SCFD1: variants seen among roughly 807,000 people sequenced by gnomAD.
SCFD1 encodes the protein sec1 family domain-containing protein 1.
SCFD1 carries 37 observed loss-of-function variants against 103.2 expected under a neutral mutation model. That is an observed-to-expected ratio of 0.36 (90% CI 0.28 to 0.47). SCFD1 has a LOEUF of 0.47. SCFD1 is among the 20% of genes least tolerant of loss of function. The probability of loss-of-function intolerance (pLI) is 1.00; values close to 1 mark genes in which losing one functional copy is unlikely to be tolerated. For synonymous variants in SCFD1, 264 were observed against 245.0 expected, an observed-to-expected ratio of 1.08 and a Z score of -0.73; for missense variants, 639 against 761.2, an observed-to-expected ratio of 0.84 and a Z score of 1.89.
At chr14:30,719,273 C>T in intron 20 of SCFD1, 52 bp from the exon 21 acceptor site, 1 of 1,153,746 alleles carries the variant, frequency 8.7e-7, no homozygotes. Flanking sequence ...GCCAAACTGA[C>T]CTTCTGAAGA....
chr14:30,673,239 T>C lies in SCFD1; in HGVS notation c.996-18T>C. 1 of 1,385,840 alleles carries C rather than the reference T, an allele frequency of 7.2e-7. No homozygotes were observed. Among genetic ancestry groups the C allele is most frequent in the South Asian group, 1.4e-5 (1 of 71,728 alleles). The allele number at this position is 1,385,840 out of a possible 1,614,324, so 85.8% of individuals were successfully genotyped here. ...CTTTTAATGTCATCCTCATAGTTCT[T>C]GTGCAATACTGTTTTAGTCCATTCC... On this transcript the variant is annotated intron_variant, in intron 11 of 24. Coordinates refer to ENST00000458591, the MANE Select transcript of SCFD1 (RefSeq NM_016106.4).
intron 14 of SCFD1, among the ~76,000 whole-genome samples, chr14:30,680,339 G>A (rs1172668435): frequency 6.6e-6 from 1 of 152,156 alleles, no homozygotes; most frequent in Non-Finnish European, 1.5e-5. Context: ...AACATAGGAT[G>A]TGGGGTTTTT....
chr14:30,670,094 A>G (rs1738518919), intron 10 of SCFD1, 162 bp from the exon 11 acceptor site: 1 of 595,018 alleles, frequency 1.7e-6, no homozygotes, highest in African/African-American at 1.9e-5. Context: ...TTTCATTAAA[A>G]TACAGAAACA....
chr14:30,722,585 C>A (rs749873178), intron 23 of SCFD1, 26 bp downstream of exon 23: 8 of 1,465,870 alleles, frequency 5.5e-6, no homozygotes, highest in Non-Finnish European at 6.6e-6. Flanking sequence ...CCTTTTTATT[C>A]TGTTGTTAGA....
chr14:30,721,671 C>G (rs1892660120), intron 21 of SCFD1: 1 of 532,714 alleles, frequency 1.9e-6, no homozygotes, highest in South Asian at 2.6e-5. Flanking sequence ...TCCTTTTAGA[C>G]TCTGAGATAT....
intron 7 of SCFD1, chr14:30,644,095 G>T: frequency 2.4e-6 from 1 of 408,556 alleles, no homozygotes; most frequent in Non-Finnish European, 4.9e-6. Context: ...TGAGAACATA[G>T]GGTGTTTTGT....
At chr14:30,730,261 A>C (rs962784221) in intron 23 of SCFD1, among the ~76,000 whole-genome samples, 1 of 152,106 alleles carries the variant, frequency 6.6e-6, no homozygotes, top group Non-Finnish European at 1.5e-5. Flanking sequence ...TCTATCATTG[A>C]TGGACATTTG....
chr14:30,650,786 G>C (rs537018645), intron 9 of SCFD1, 136 bp downstream of exon 9: 8 of 539,366 alleles, frequency 1.5e-5, no homozygotes, highest in African/African-American at 1.4e-4. Context: ...TCAAGGTTTT[G>C]ACTCATATTG....
chr14:30,684,083 G>A (rs2139269258), intron 14 of SCFD1, among the ~76,000 whole-genome samples: 1 of 152,318 alleles, frequency 6.6e-6, no homozygotes, highest in South Asian at 2.1e-4. Context: ...CTTATAGGAA[G>A]GAAAAGGGAA....
At chr14:30,691,458 C>G (rs959543084) in intron 14 of SCFD1, among the ~76,000 whole-genome samples, 20 of 152,114 alleles carry the variant, frequency 1.3e-4, no homozygotes, top group African/African-American at 4.8e-4. Flanking sequence ...AAGTAAAGTG[C>G]CTTACACATG....
At chr14:30,715,854 G>T in intron 19 of SCFD1, 70 bp from the exon 20 acceptor site, 2 of 792,242 alleles carry the variant, frequency 2.5e-6, no homozygotes, top group South Asian at 3.3e-5. Context: ...ACTGTAGAAT[G>T]ATCAGGTTGT....
chr14:30,723,367 A>G (rs1052703055), intron 23 of SCFD1, among the ~76,000 whole-genome samples: 2 of 152,104 alleles, frequency 1.3e-5, no homozygotes, highest in Non-Finnish European at 2.9e-5. Flanking sequence ...CCTTAGTTTC[A>G]GAAGAGCCCT....
chr14:30,670,415 G>A lies in SCFD1; in HGVS notation c.995+20G>A, dbSNP rs762634550. 1.4e-6 allele frequency: 2 copies of A among 1,478,454 alleles called. No homozygotes were observed. The highest frequency in any genetic ancestry group is 2.4e-5 in the Admixed American group (1 of 42,520). 91.6% of individuals were successfully genotyped at this position (1,478,454 alleles called of 1,614,324 possible). ...AGGAAGGTAAGCAAAATATCAATAA[G>A]TAAAAGATTCATTTTTTTAAAGAGA... On this transcript the variant is annotated intron_variant, in intron 11 of 24. Coordinates refer to ENST00000458591, the MANE Select transcript of SCFD1 (RefSeq NM_016106.4).
At chr14:30,673,458 A>G (rs960778486) in intron 12 of SCFD1, 111 bp downstream of exon 12, 1 of 515,366 alleles carries the variant, frequency 1.9e-6, no homozygotes, top group Non-Finnish European at 3.5e-6. Context: ...TAATGCTTTT[A>G]TAACAAAAAT....
intron 19 of SCFD1, chr14:30,715,568 CA>C (rs36045306): frequency 0.011 from 1,115 of 99,708 alleles, 3 homozygotes; most frequent in Non-Finnish European, 0.017. Context: ...GTCTCCATGT[CA>C]AAAAAAAAAA....
chr14:30,674,746 A>AAAGTG, intron 13 of SCFD1, among the ~76,000 whole-genome samples: 1 of 152,342 alleles, frequency 6.6e-6, no homozygotes, highest in South Asian at 2.1e-4. Context: ...ATCAGAAAGT[A>AAAGTG]AAGTGATAGA....
At chr14:30,709,401 CT>C in intron 19 of SCFD1, among the ~76,000 whole-genome samples, 1 of 152,070 alleles carries the variant, frequency 6.6e-6, no homozygotes, top group African/African-American at 2.4e-5. Context: ...CCTGGCTAAT[CT>C]TTGTATATTT....
chr14:30,697,485 A>G lies in SCFD1; in HGVS notation c.1339+2616A>G, dbSNP rs1890777424. Among the ~76,000 whole-genome samples, 11 of 152,216 alleles carry G rather than the reference A, an allele frequency of 7.2e-5. No homozygotes were observed. In the South Asian group the frequency reaches 2.3e-3, roughly 32 times the overall value. On this transcript the variant is annotated intron_variant, in intron 15 of 24. Coordinates refer to ENST00000458591, the MANE Select transcript of SCFD1 (RefSeq NM_016106.4). ...GTTTCAGAATACCTCCCCACAAAATACTTATTAACTGTAAGAAAAAGTAAC... is the reference window on the plus strand; with the variant it reads ...GTTTCAGAATACCTCCCCACAAAATGCTTATTAACTGTAAGAAAAAGTAAC...
chr14:30,705,753 A>C, intron 17 of SCFD1, 70 bp from the exon 18 acceptor site: 77 of 1,202,960 alleles, frequency 6.4e-5, no homozygotes, highest in Middle Eastern at 1.9e-4. Context: ...GTCAGTAGAT[A>C]TTTTAATACC....
Sources: gnomAD v4.1 joint callset for allele counts (sites outside exome capture counted in the v4.1 genomes callset) on GRCh38, gnomAD v4.1.1 for gene constraint, MANE v1.5 for transcripts, NCBI Gene and HGNC (gene_info 2026-07-23, HGNC 2026-07-21) for gene names.